The following ADCYAP1R1 variants were observed in gnomAD, a reference collection of about 807,000 sequenced individuals.
ADCYAP1R1 encodes the protein ADCYAP receptor type I.
In ADCYAP1R1, 44 loss-of-function variants were observed where a neutral mutation model predicts 67.6. That is an observed-to-expected ratio of 0.65 (90% confidence interval 0.51 to 0.84). The LOEUF is 0.84. Ranked by LOEUF, ADCYAP1R1 falls within the 40% of genes least tolerant of loss-of-function variation. The pLI, the probability that ADCYAP1R1 is intolerant of heterozygous loss-of-function variation, is 0.00. For synonymous variants in ADCYAP1R1, 222 were observed against 219.6 expected, an observed-to-expected ratio of 1.01 and a Z score of -0.10; for missense variants, 477 against 587.9, an observed-to-expected ratio of 0.81 and a Z score of 1.95.
chr7:31,077,448 TGG>T (rs1167823913), intron 3 of ADCYAP1R1, among the ~76,000 whole-genome samples: 2 of 146,114 alleles, frequency 1.4e-5, no homozygotes, highest in African/African-American at 5.2e-5. Flanking sequence ...TGATTGTGTG[TGG>T]TGTGTGTGGT....
chr7:31,092,592 G>A, intron 12 of ADCYAP1R1, 52 bp from the exon 13 acceptor site: 2 of 1,432,572 alleles, frequency 1.4e-6, no homozygotes, highest in African/African-American at 1.4e-5. Context: ...GGAAATAATA[G>A]CATCTTTGCC....
Position 31,108,526 on chromosome 7 carries a change from G to A in ADCYAP1R1, c.*1842G>A, listed in dbSNP as rs915660354. On this transcript the variant is annotated 3_prime_UTR_variant, in exon 16 of 16. Transcript: ENST00000304166. ...TCTGGGCTGCTTGGAAGGAGCCATG[G>A]CCTAGGGTTCAGGGAACTAGACTCT... 1 of 152,280 alleles carries A rather than the reference G, an allele frequency of 6.6e-6. No homozygotes were observed. The highest frequency in any genetic ancestry group is 2.4e-5 in the African/African-American group (1 of 41,440). The allele number at this position is 152,280 out of a possible 1,614,324, so 9.4% of individuals were successfully genotyped here.
chr7:31,084,718 G>C lies in ADCYAP1R1; in HGVS notation c.439-19G>C, dbSNP rs374781802. ...GCAGGTCTCACATGAAGTCCTGCAT[G>C]TCCTGTGCTCTGCTTCAGGATTATT... On this transcript the variant is annotated intron_variant, in intron 7 of 15. Coordinates refer to ENST00000304166, the MANE Select transcript of ADCYAP1R1 (RefSeq NM_001118.5). 3.1e-6 allele frequency: 5 copies of C among 1,600,104 alleles called. No individual in the cohort carries two copies. The highest frequency in any genetic ancestry group is 4.3e-6 in the Non-Finnish European group (5 of 1,167,340).
At chr7:31,056,806 A>C (rs1584469364) in intron 1 of ADCYAP1R1, 1 of 152,098 alleles carries the variant, frequency 6.6e-6, no homozygotes, top group Non-Finnish European at 1.5e-5. Flanking sequence ...TGGTGGAACA[A>C]CCCTCCAGCT....
At chr7:31,074,142 A>G (rs1321598312) in intron 3 of ADCYAP1R1, among the ~76,000 whole-genome samples, 1 of 152,070 alleles carries the variant, frequency 6.6e-6, no homozygotes, top group Non-Finnish European at 1.5e-5. Flanking sequence ...TCACAGAGAC[A>G]CTCAGTTGTC....
intron 3 of ADCYAP1R1, among the ~76,000 whole-genome samples, chr7:31,066,033 G>GA (rs1794722388): frequency 6.6e-6 from 1 of 151,794 alleles, no homozygotes; most frequent in Non-Finnish European, 1.5e-5. Context: ...CCCTAACCAA[G>GA]GTTGAACGTG....
chr7:31,099,507 A>G (rs936187965), intron 13 of ADCYAP1R1, among the ~76,000 whole-genome samples: 11 of 152,232 alleles, frequency 7.2e-5, no homozygotes, highest in South Asian at 2.1e-4. Flanking sequence ...TGAATTAACA[A>G]TTCATTCAAT....
chr7:31,055,840 C>G (rs1284341109), intron 1 of ADCYAP1R1, among the ~76,000 whole-genome samples: 1 of 152,218 alleles, frequency 6.6e-6, no homozygotes, highest in Non-Finnish European at 1.5e-5. Context: ...GAGTGCCCAT[C>G]TGTTTAATGG....
At chr7:31,084,042 G>C in intron 6 of ADCYAP1R1, 99 bp from the exon 7 acceptor site, 7 of 985,522 alleles carry the variant, frequency 7.1e-6, no homozygotes, top group Non-Finnish European at 1.1e-5. Flanking sequence ...TGGTCATAGG[G>C]GTTTCCAGGA....
chr7:31,074,438 G>C (rs1795117872), intron 3 of ADCYAP1R1, among the ~76,000 whole-genome samples: 1 of 152,156 alleles, frequency 6.6e-6, no homozygotes, highest in South Asian at 2.1e-4. Context: ...GCCAACATGA[G>C]AGCCCCCTTC....
intron 1 of ADCYAP1R1, among the ~76,000 whole-genome samples, chr7:31,057,727 G>T (rs1256356108): frequency 6.6e-6 from 1 of 152,220 alleles, no homozygotes; most frequent in Non-Finnish European, 1.5e-5. Flanking sequence ...TGGGAGGGGG[G>T]CAGTGTTTCA....
intron 3 of ADCYAP1R1, among the ~76,000 whole-genome samples, chr7:31,076,330 C>T (rs1302283656): frequency 6.6e-6 from 1 of 152,110 alleles, no homozygotes; most frequent in Non-Finnish European, 1.5e-5. Flanking sequence ...TGTGGGAGGA[C>T]AGAGTCAGAG....
intron 12 of ADCYAP1R1, among the ~76,000 whole-genome samples, chr7:31,089,193 CCTTT>C (rs1795866074): frequency 6.6e-6 from 1 of 151,612 alleles, no homozygotes; most frequent in Non-Finnish European, 1.5e-5. Context: ...TGTATTGTGT[CCTTT>C]CTTAGTTGTG....
Position 31,085,334 on chromosome 7 carries a change from C to A in ADCYAP1R1, c.561C>A (p.Phe187Leu). 1 of 1,614,042 alleles carries A rather than the reference C, an allele frequency of 6.2e-7. No individual in the cohort carries two copies. Among genetic ancestry groups the A allele is most frequent in the Non-Finnish European group, 8.5e-7 (1 of 1,179,996 alleles). The change falls in exon 9 of 16, where the codon TTC becomes TTA. Residue 187 changes from phenylalanine (F) to leucine (L), a missense_variant. Phe to Leu is a conservative substitution (Grantham distance 22, BLOSUM62 0). Transcript: ENST00000304166. ...RFRKLHCTRN[F>L]IHMNLFVSFM... Reference sequence around the variant, plus strand: ...GGAAGCTGCACTGCACACGCAACTTCATCCACATGAACCTGTTTGTGTCGT... The same window carrying A: ...GGAAGCTGCACTGCACACGCAACTTAATCCACATGAACCTGTTTGTGTCGT...
chr7:31,108,746 A>G lies in ADCYAP1R1; in HGVS notation c.*2062A>G, dbSNP rs570439814. 523 of 148,086 alleles carry G rather than the reference A, an allele frequency of 3.5e-3. 1 individual carries two copies. Among genetic ancestry groups the G allele is most frequent in the Non-Finnish European group, 5.1e-3 (343 of 66,670 alleles). The allele number at this position is 148,086 out of a possible 1,614,324, so 9.2% of individuals were successfully genotyped here. ...CCTCATATCAGGTTTTGATGAATAT[A>G]TGTGTGTGTGTGTGTGTGTGTGTGT... On this transcript the variant is annotated 3_prime_UTR_variant, in exon 16 of 16. Coordinates refer to ENST00000304166, the MANE Select transcript of ADCYAP1R1 (RefSeq NM_001118.5).
intron 1 of ADCYAP1R1, among the ~76,000 whole-genome samples, chr7:31,055,016 T>G (rs543650568): frequency 3.3e-5 from 5 of 152,254 alleles, no homozygotes; most frequent in African/African-American, 1.2e-4. Context: ...AGATGGAGAC[T>G]GGAAACTCCT....
chr7:31,084,601 TCAG>T (rs2128630024), intron 7 of ADCYAP1R1, 133 bp from the exon 8 acceptor site: 3 of 747,160 alleles, frequency 4.0e-6, no homozygotes, highest in Admixed American at 1.9e-5. Context: ...GGAGATGATA[TCAG>T]CAGAAGAGAG....
At position 31,052,460 on chromosome 7, in the gene ADCYAP1R1, G is replaced by A. The variant is rs1485139075; in HGVS notation, c.-290G>A. The A allele has an allele frequency of 1.3e-5, 2 of 149,808 alleles. No individual in the cohort carries two copies. Among genetic ancestry groups the A allele is most frequent in the African/African-American group, 4.9e-5 (2 of 41,018 alleles). The allele number at this position is 149,808 out of a possible 1,614,324, so 9.3% of individuals were successfully genotyped here. On this transcript the variant is annotated 5_prime_UTR_variant, in exon 1 of 16. Transcript: ENST00000304166. ...AGTGACGGCGGCGGCGGCGGCTCCG[G>A]GCGAGCGTGGTCCCCGCGTGCGCAC... is the stretch of plus-strand genomic sequence containing the variant.
chr7:31,109,892 A>G lies in ADCYAP1R1; in HGVS notation c.*3208A>G, dbSNP rs938576232. ...GACTCCCCACTTAAGTCCAAGTCAC[A>G]TTGTCTATCCCAGTGTGTAGCTCTG... is the stretch of plus-strand genomic sequence containing the variant. On this transcript the variant is annotated 3_prime_UTR_variant, in exon 16 of 16. Transcript: ENST00000304166. 6.6e-6 allele frequency: 1 copy of G among 152,044 alleles called. No individual in the cohort carries two copies. Among genetic ancestry groups the G allele is most frequent in the African/African-American group, 2.4e-5 (1 of 41,362 alleles). 9.4% of individuals were successfully genotyped at this position (152,044 alleles called of 1,614,324 possible). A position where few individuals can be genotyped will look rare whatever the true frequency, so the allele number is the denominator to read the frequency against.
Sources: allele counts gnomAD v4.1 joint callset (sites outside exome capture counted in the v4.1 genomes callset), GRCh38; gene constraint gnomAD v4.1.1; transcripts MANE v1.5; gene names NCBI Gene and HGNC (gene_info 2026-07-23, HGNC 2026-07-21).